Variants in FOXP1 observed in about 807,000 individuals in gnomAD.
FOXP1 encodes the protein forkhead box protein P1.
FOXP1 carries 15 observed loss-of-function variants against 98.2 expected under a neutral mutation model. The observed-to-expected ratio is 0.15, with a 90% CI of 0.10 to 0.24. The LOEUF is 0.24. Ranked by LOEUF, FOXP1 falls within the 10% of genes least tolerant of loss-of-function variation. FOXP1 has a pLI of 1.00. For synonymous variants in FOXP1, 371 were observed against 314.5 expected (o/e 1.18, Z -1.90); for missense variants, 633 against 848.5 (o/e 0.75, Z 3.15).
intron 2 of FOXP1, among the ~76,000 whole-genome samples, chr3:71,579,116 A>C (rs928598618): frequency 6.6e-6 from 1 of 152,218 alleles, no homozygotes; most frequent in African/African-American, 2.4e-5. Flanking sequence ...GTTAATTAAA[A>C]ATATAATCCT....
At chr3:71,230,114 T>C (rs1166057027) in intron 5 of FOXP1, among the ~76,000 whole-genome samples, 2 of 24,584 alleles carry the variant, frequency 8.1e-5, no homozygotes, top group East Asian at 1.1e-3. Context: ...CAGACACCAC[T>C]GGGGAGGGGT....
intron 6 of FOXP1, among the ~76,000 whole-genome samples, chr3:71,114,893 A>G (rs1253916588): frequency 1.3e-5 from 2 of 152,166 alleles, no homozygotes; most frequent in Non-Finnish European, 2.9e-5. Flanking sequence ...CGTAGGTGTA[A>G]AAGTGGGCAG....
At chr3:71,375,040 G>C (rs1005882763) in intron 3 of FOXP1, among the ~76,000 whole-genome samples, 4 of 152,096 alleles carry the variant, frequency 2.6e-5, no homozygotes, top group African/African-American at 9.7e-5. Context: ...TCTACTCTAG[G>C]AAATCTAGAC....
chr3:71,570,294 T>C (rs1056158346), intron 2 of FOXP1: 2 of 151,890 alleles, frequency 1.3e-5, no homozygotes, highest in Non-Finnish European at 2.9e-5. Flanking sequence ...TTTAAAGATA[T>C]GGCTATGGAT....
chr3:71,400,296 A>T (rs936806200), intron 3 of FOXP1, among the ~76,000 whole-genome samples: 1 of 152,150 alleles, frequency 6.6e-6, no homozygotes, highest in Admixed American at 6.6e-5. Context: ...TAATCTGATA[A>T]TCAGGTAGTT....
At chr3:71,450,148 A>T (rs908839973) in intron 3 of FOXP1, among the ~76,000 whole-genome samples, 8 of 152,212 alleles carry the variant, frequency 5.3e-5, no homozygotes, top group Non-Finnish European at 8.8e-5. Context: ...GAAAAATCAC[A>T]CCTGCGTATT....
intron 5 of FOXP1, among the ~76,000 whole-genome samples, chr3:71,285,071 C>T (rs910867920): frequency 7.9e-5 from 12 of 152,048 alleles, no homozygotes; most frequent in African/African-American, 2.9e-4. Flanking sequence ...TTCCTGATGA[C>T]AATTTTACAT....
chr3:71,320,642 A>G (rs923266995), intron 4 of FOXP1, among the ~76,000 whole-genome samples: 1 of 152,142 alleles, frequency 6.6e-6, no homozygotes, highest in African/African-American at 2.4e-5. Context: ...TATTTAATCA[A>G]TCATTTCTCT....
At chr3:71,046,105 C>A (rs2049004013) in intron 10 of FOXP1, among the ~76,000 whole-genome samples, 1 of 152,114 alleles carries the variant, frequency 6.6e-6, no homozygotes. Context: ...CTCTTGACAT[C>A]CCTTCCTCCT....
intron 5 of FOXP1, among the ~76,000 whole-genome samples, chr3:71,295,057 T>C (rs1431473659): frequency 6.6e-6 from 1 of 152,176 alleles, no homozygotes. Flanking sequence ...ACCAGCCTAG[T>C]CTTTACCCTG....
chr3:71,077,903 G>A (rs1576617723), intron 7 of FOXP1, among the ~76,000 whole-genome samples: 1 of 151,826 alleles, frequency 6.6e-6, no homozygotes, highest in East Asian at 1.9e-4. Context: ...CGTGATCTCG[G>A]CTCACCGCAA....
At chr3:71,498,473 G>T (rs1339610167) in intron 2 of FOXP1, among the ~76,000 whole-genome samples, 1 of 152,174 alleles carries the variant, frequency 6.6e-6, no homozygotes, top group East Asian at 1.9e-4. Flanking sequence ...CCTGGAACTT[G>T]CCTGCACAGC....
At chr3:71,099,178 A>C (rs1253597878) in intron 7 of FOXP1, among the ~76,000 whole-genome samples, 1 of 152,220 alleles carries the variant, frequency 6.6e-6, no homozygotes, top group African/African-American at 2.4e-5. Context: ...CTAGTGAACT[A>C]AATATAACTT....
At chr3:71,189,170 T>A (rs746475215) in intron 6 of FOXP1, among the ~76,000 whole-genome samples, 36 of 152,178 alleles carry the variant, frequency 2.4e-4, no homozygotes, top group Non-Finnish European at 3.8e-4. Context: ...ATTGTACTTT[T>A]CCAACAAAAG....
At chr3:71,099,356 TA>T (rs1273862490) in intron 7 of FOXP1, among the ~76,000 whole-genome samples, 3 of 151,802 alleles carry the variant, frequency 2.0e-5, no homozygotes, top group African/African-American at 7.3e-5. Context: ...ACTAAAAATA[TA>T]AAAAATTGGC....
intron 13 of FOXP1, among the ~76,000 whole-genome samples, chr3:70,989,892 ACATCTTCTCCATATTTC>A (rs1368172987): frequency 6.6e-6 from 1 of 152,212 alleles, no homozygotes; most frequent in Non-Finnish European, 1.5e-5. Flanking sequence ...TTTAAAGGAA[ACATCTTCTCCATATTTC>A]CATCCAAATG....
chr3:71,399,409 T>C (rs2081795263), intron 3 of FOXP1, among the ~76,000 whole-genome samples: 1 of 152,160 alleles, frequency 6.6e-6, no homozygotes, highest in Admixed American at 6.6e-5. Context: ...AAAATACCCT[T>C]TATTCCACCA....
At chr3:71,492,988 A>AT (rs1560561695) in intron 3 of FOXP1, among the ~76,000 whole-genome samples, 1 of 152,212 alleles carries the variant, frequency 6.6e-6, no homozygotes, top group Non-Finnish European at 1.5e-5. Context: ...TGGCTTTCTC[A>AT]TAAGTCCTGA....
intron 3 of FOXP1, among the ~76,000 whole-genome samples, chr3:71,440,099 T>C (rs1190387518): frequency 6.6e-6 from 1 of 152,038 alleles, no homozygotes; most frequent in Non-Finnish European, 1.5e-5. Flanking sequence ...GTCAAATTCA[T>C]AGACAAAGTA....
Sources: gnomAD v4.1 joint callset for allele counts (sites outside exome capture counted in the v4.1 genomes callset) on GRCh38, gnomAD v4.1.1 for gene constraint, MANE v1.5 for transcripts, NCBI Gene and HGNC (gene_info 2026-07-23, HGNC 2026-07-21) for gene names.